Variants in CLMP observed in about 807,000 individuals in gnomAD.
The protein encoded by CLMP is CXADR like cell adhesion molecule, also known as CXADR-like membrane protein.
Under a neutral mutation model 45.2 loss-of-function variants are expected in CLMP, and 27 were observed. That is an observed-to-expected ratio of 0.60 (90% CI 0.44 to 0.82). CLMP has a LOEUF of 0.82. Among genes scored for constraint, CLMP ranks in the 40% least tolerant of loss-of-function variants. The probability of loss-of-function intolerance (pLI) is 0.00; values close to 1 mark genes in which losing one functional copy is unlikely to be tolerated. For synonymous variants in CLMP, 167 were observed against 171.4 expected, an observed-to-expected ratio of 0.97 and a Z score of 0.20; for missense variants, 403 against 448.4, an observed-to-expected ratio of 0.90 and a Z score of 0.91.
intron 1 of CLMP, among the ~76,000 whole-genome samples, chr11:123,131,337 AG>A (rs1217059251): frequency 1.3e-5 from 2 of 152,114 alleles, no homozygotes; most frequent in Non-Finnish European, 1.5e-5. Context: ...AAAAAAATAC[AG>A]AAAAAAAAGA....
intron 5 of CLMP, among the ~76,000 whole-genome samples, chr11:123,078,086 A>G (rs535535025): frequency 6.6e-6 from 1 of 152,254 alleles, no homozygotes; most frequent in East Asian, 1.9e-4. Context: ...AGCCTGTGCA[A>G]CAAGAGTGAA....
chr11:123,117,319 GA>G (rs1433928860), intron 1 of CLMP, among the ~76,000 whole-genome samples: 1 of 152,018 alleles, frequency 6.6e-6, no homozygotes, highest in East Asian at 1.9e-4. Flanking sequence ...CTGAGACTTA[GA>G]AAGGCCTATT....
At chr11:123,130,415 T>TA (rs199666853) in intron 1 of CLMP, among the ~76,000 whole-genome samples, 2,320 of 152,230 alleles carry the variant, frequency 0.015, 55 homozygotes, top group African/African-American at 0.052. Context: ...TCGGCAAAAT[T>TA]AAAAAGGAAG....
At chr11:123,166,795 C>A in intron 1 of CLMP, among the ~76,000 whole-genome samples, 1 of 152,112 alleles carries the variant, frequency 6.6e-6, no homozygotes, top group Non-Finnish European at 1.5e-5. Context: ...ATGTTCTCAC[C>A]ACAAGGAAAT....
intron 1 of CLMP, among the ~76,000 whole-genome samples, chr11:123,187,890 A>G (rs1224295767): frequency 6.6e-6 from 1 of 152,214 alleles, no homozygotes; most frequent in Non-Finnish European, 1.5e-5. Context: ...CCATCAACCC[A>G]CCAACTGCTT....
chr11:123,099,951 A>G (rs1866035372), intron 1 of CLMP, among the ~76,000 whole-genome samples: 1 of 152,190 alleles, frequency 6.6e-6, no homozygotes, highest in South Asian at 2.1e-4. Context: ...CAAGTAAGAG[A>G]TACTGCTCTA....
At chr11:123,182,977 T>A (rs189841170) in intron 1 of CLMP, among the ~76,000 whole-genome samples, 1 of 152,346 alleles carries the variant, frequency 6.6e-6, no homozygotes, top group East Asian at 1.9e-4. Context: ...CCATAACATA[T>A]AAAATGCAAG....
In CLMP at chr11:123,174,508, T is replaced by C. The variant is rs116343684; in HGVS notation, c.28+20405A>G. On this transcript the variant is annotated intron_variant, in intron 1 of 6. Transcript: ENST00000448775. ...TAATATTTCATATCTAGGCCTGACA[T>C]TGGGTCTCCTTGAGTTGTTTTGTTA... Among the ~76,000 whole-genome samples, 1,288 of 152,272 alleles carry C rather than the reference T, an allele frequency of 8.5e-3. 24 individuals carry two copies. The highest frequency in any genetic ancestry group is 0.03 in the African/African-American group (1,229 of 41,540).
chr11:123,073,799 T>A (rs758227887), intron 6 of CLMP, 25 bp from the exon 7 acceptor site: 48 of 1,540,748 alleles, frequency 3.1e-5, no homozygotes, highest in Non-Finnish European at 4.0e-5. Flanking sequence ...CAGCAAAGAT[T>A]AACACTGGCA....
At chr11:123,106,382 GGTGTGT>G (rs539659160) in intron 1 of CLMP, among the ~76,000 whole-genome samples, 3,399 of 135,214 alleles carry the variant, frequency 0.025, 73 homozygotes, top group African/African-American at 0.071. Flanking sequence ...TTCTGTAGGA[GGTGTGT>G]GTGTGTGTGT....
intron 1 of CLMP, among the ~76,000 whole-genome samples, chr11:123,141,235 A>T (rs1201984773): frequency 2.1e-5 from 2 of 94,316 alleles, no homozygotes; most frequent in African/African-American, 5.3e-5. Flanking sequence ...CCCAGGCTGG[A>T]GTGCAGTGAT....
rs34587716 is a variant in CLMP at position 123,112,770 on chromosome 11, A to ATTT, written c.29-14821_29-14819dup. 5.1e-3 allele frequency among the ~76,000 whole-genome samples: 576 copies of ATTT among 113,952 alleles called. 18 individuals carry two copies. The highest frequency in any genetic ancestry group is 0.013 in the African/African-American group (361 of 28,578). 74.8% of individuals were successfully genotyped at this position (113,952 alleles called of 152,430 possible). A position where few individuals can be genotyped will look rare whatever the true frequency, so the allele number is the denominator to read the frequency against. On this transcript the variant is annotated intron_variant, in intron 1 of 6. Transcript: ENST00000448775. ...GATCTTGACAGGTCTGTTAGTACCC[A>ATTT]TTTTTTTTTTTTTTTTTTTTTGAGA...
intron 1 of CLMP, among the ~76,000 whole-genome samples, chr11:123,102,707 C>CTTTTTTTTTTTT (rs34392557): frequency 7.5e-4 from 70 of 93,282 alleles, no homozygotes; most frequent in Non-Finnish European, 8.0e-4. Context: ...TCCCGAGTAG[C>CTTTTTTTTTTTT]TTTTTTTTTT....
At chr11:123,146,938 G>C (rs1477954783) in intron 1 of CLMP, among the ~76,000 whole-genome samples, 1 of 152,100 alleles carries the variant, frequency 6.6e-6, no homozygotes, top group African/African-American at 2.4e-5. Flanking sequence ...AGGCATGTTT[G>C]ATCCCTCGCT....
chr11:123,158,213 G>A (rs1861440965), intron 1 of CLMP, among the ~76,000 whole-genome samples: 1 of 152,194 alleles, frequency 6.6e-6, no homozygotes. Context: ...GTCACGTACT[G>A]CCTCTCAGCC....
intron 1 of CLMP, among the ~76,000 whole-genome samples, chr11:123,154,354 A>G (rs1861382939): frequency 6.6e-6 from 1 of 152,186 alleles, no homozygotes; most frequent in Non-Finnish European, 1.5e-5. Context: ...TAGAACCTAT[A>G]GGCACATTGG....
At chr11:123,093,821 C>T (rs1865960550) in intron 2 of CLMP, among the ~76,000 whole-genome samples, 2 of 152,100 alleles carry the variant, frequency 1.3e-5, no homozygotes, top group Non-Finnish European at 2.9e-5. Flanking sequence ...TTTGTCATTC[C>T]TGGTGGACCT....
chr11:123,078,649 T>TG (rs1565376026), intron 5 of CLMP, among the ~76,000 whole-genome samples: 1 of 89,008 alleles, frequency 1.1e-5, no homozygotes, highest in African/African-American at 4.7e-5. Context: ...GTTTTTTTTG[T>TG]TTTTTTTTTT....
chr11:123,125,028 C>T (rs1860869385), intron 1 of CLMP, among the ~76,000 whole-genome samples: 1 of 152,092 alleles, frequency 6.6e-6, no homozygotes, highest in African/African-American at 2.4e-5. Flanking sequence ...TCCTGAGTAG[C>T]TGGGACAATA....
Sources: gnomAD v4.1 joint callset for allele counts (sites outside exome capture counted in the v4.1 genomes callset) on GRCh38, gnomAD v4.1.1 for gene constraint, MANE v1.5 for transcripts, NCBI Gene and HGNC (gene_info 2026-07-23, HGNC 2026-07-21) for gene names.